The following TYW1 variants were observed in gnomAD, a reference collection of about 807,000 sequenced individuals.
TYW1 encodes the protein tRNA-yW synthesizing protein 1 homolog, also known as S-adenosyl-L-methionine-dependent tRNA 4-demethylwyosine synthase TYW1.
TYW1 carries 46 observed loss-of-function variants against 96.2 expected under a neutral mutation model. That is an observed-to-expected ratio of 0.48 (90% confidence interval 0.38 to 0.61). The LOEUF (loss-of-function observed/expected upper bound fraction) is 0.61. Among genes scored for constraint, TYW1 ranks in the 20% least tolerant of loss-of-function variants. TYW1 has a pLI of 0.00. For synonymous variants in TYW1, 274 were observed against 323.0 expected (o/e 0.85, Z 1.63); for missense variants, 684 against 909.6 (o/e 0.75, Z 3.19).
intron 13 of TYW1, among the ~76,000 whole-genome samples, chr7:67,180,406 T>TTATGTATA (rs1799800369): frequency 3.2e-5 from 2 of 62,738 alleles, no homozygotes; most frequent in Non-Finnish European, 5.7e-5. Flanking sequence ...ATATATATAT[T>TTATGTATA]TATATATATA....
At chr7:67,159,999 A>T (rs1173188499) in intron 13 of TYW1, among the ~76,000 whole-genome samples, 4 of 151,890 alleles carry the variant, frequency 2.6e-5, no homozygotes, top group African/African-American at 9.7e-5. Context: ...GAGATGGGGT[A>T]TCACTGTGTT....
At chr7:67,139,432 T>C (rs1798371199) in intron 13 of TYW1, among the ~76,000 whole-genome samples, 1 of 152,182 alleles carries the variant, frequency 6.6e-6, no homozygotes, top group African/African-American at 2.4e-5. Flanking sequence ...TACACACATG[T>C]GTATGCACAC....
Position 67,006,100 on chromosome 7 carries a change from G to A in TYW1, c.274-3483G>A, listed in dbSNP as rs549033781. On this transcript the variant is annotated intron_variant, in intron 3 of 15. Coordinates refer to ENST00000359626, the MANE Select transcript of TYW1 (RefSeq NM_018264.4). ...TCCCCACCAAATCTTACGTCGGATC[G>A]TAGTCCCATTGTTGGAGGTGGGGCT... is the stretch of plus-strand genomic sequence containing the variant. Among the ~76,000 whole-genome samples the A allele has an allele frequency of 1.0e-3, 155 of 152,256 alleles. 1 individual carries two copies. Among genetic ancestry groups the A allele is most frequent in the African/African-American group, 3.2e-3 (135 of 41,550 alleles).
intron 12 of TYW1, among the ~76,000 whole-genome samples, chr7:67,106,080 A>G (rs1563016399): frequency 6.6e-6 from 1 of 152,032 alleles, no homozygotes; most frequent in African/African-American, 2.4e-5. Flanking sequence ...TATTTTTAGT[A>G]GAGACAGGGT....
chr7:67,163,464 C>T (rs1220457625), intron 13 of TYW1, among the ~76,000 whole-genome samples: 2 of 152,062 alleles, frequency 1.3e-5, no homozygotes, highest in Non-Finnish European at 2.9e-5. Flanking sequence ...TGATATCTTC[C>T]TGCACACTAA....
At chr7:67,158,534 G>A (rs920914046) in intron 13 of TYW1, among the ~76,000 whole-genome samples, 3 of 152,044 alleles carry the variant, frequency 2.0e-5, no homozygotes, top group Non-Finnish European at 2.9e-5. Flanking sequence ...TGCATACCTG[G>A]AATAAATCCC....
chr7:67,149,835 C>G (rs1798744222), intron 13 of TYW1, among the ~76,000 whole-genome samples: 1 of 152,096 alleles, frequency 6.6e-6, no homozygotes, highest in Non-Finnish European at 1.5e-5. Flanking sequence ...AACACGTGAA[C>G]CACATCATGA....
rs566638389 is a variant in TYW1 at position 67,047,841 on chromosome 7, G to A, written c.985-2108G>A. On this transcript the variant is annotated intron_variant, in intron 7 of 15. Coordinates refer to ENST00000359626, the MANE Select transcript of TYW1 (RefSeq NM_018264.4). ...GAGTCTCTGTCGCCCAGGCTGGAGT[G>A]CAGTGGCACAGTCTTGGCTCACCGT... Among the ~76,000 whole-genome samples, 8 of 142,234 alleles carry A rather than the reference G, an allele frequency of 5.6e-5. No homozygotes were observed. In the South Asian group the frequency reaches 1.6e-3, roughly 28 times the overall value. The allele number at this position is 142,234 out of a possible 152,430, so 93.3% of individuals were successfully genotyped here.
chr7:67,119,174 A>G (rs1486424225), intron 13 of TYW1, among the ~76,000 whole-genome samples: 1 of 151,444 alleles, frequency 6.6e-6, no homozygotes, highest in African/African-American at 2.4e-5. Flanking sequence ...AGCGTTCTTT[A>G]TGCCTTCTTG....
intron 7 of TYW1, among the ~76,000 whole-genome samples, chr7:67,028,728 C>G (rs1024015194): frequency 6.6e-6 from 1 of 152,126 alleles, no homozygotes; most frequent in African/African-American, 2.4e-5. Context: ...ACAGTTTTTA[C>G]CAAAATCACA....
intron 13 of TYW1, among the ~76,000 whole-genome samples, chr7:67,144,046 T>G (rs1798527891): frequency 6.6e-6 from 1 of 152,250 alleles, no homozygotes; most frequent in Non-Finnish European, 1.5e-5. Flanking sequence ...TATTTTATCT[T>G]TAAAAGTTTA....
chr7:67,080,936 T>G (rs1796365998), intron 10 of TYW1, among the ~76,000 whole-genome samples: 1 of 141,096 alleles, frequency 7.1e-6, no homozygotes, highest in African/African-American at 2.7e-5. Flanking sequence ...TTTGCTTTCT[T>G]ACTGTTTTTT....
chr7:67,230,863 C>A (rs994664756), intron 15 of TYW1, among the ~76,000 whole-genome samples: 1 of 151,852 alleles, frequency 6.6e-6, no homozygotes, highest in Non-Finnish European at 1.5e-5. Flanking sequence ...TGGTCTTGAA[C>A]TCCTGACCTC....
At chr7:67,037,987 A>T (rs578092513) in intron 7 of TYW1, among the ~76,000 whole-genome samples, 1 of 152,168 alleles carries the variant, frequency 6.6e-6, no homozygotes, top group African/African-American at 2.4e-5. Flanking sequence ...AAACTTTTTG[A>T]GTCCTGATAT....
At chr7:67,206,927 A>G (rs945372476) in intron 15 of TYW1, among the ~76,000 whole-genome samples, 1 of 152,092 alleles carries the variant, frequency 6.6e-6, no homozygotes, top group South Asian at 2.1e-4. Flanking sequence ...GGCCTTCACA[A>G]TCGGTTCCTT....
chr7:67,167,966 G>T (rs1175013519), intron 13 of TYW1, among the ~76,000 whole-genome samples: 1 of 151,990 alleles, frequency 6.6e-6, no homozygotes, highest in African/African-American at 2.4e-5. Context: ...TCTTGGCCAG[G>T]CTTGTCTCGA....
intron 15 of TYW1, among the ~76,000 whole-genome samples, chr7:67,230,792 A>G (rs555507351): frequency 1.3e-5 from 2 of 151,578 alleles, no homozygotes; most frequent in East Asian, 1.9e-4. Flanking sequence ...AGCTGGGACT[A>G]CAGGAGGCTG....
At chr7:67,213,981 G>A (rs1240709276) in intron 15 of TYW1, among the ~76,000 whole-genome samples, 1 of 152,050 alleles carries the variant, frequency 6.6e-6, no homozygotes, top group East Asian at 1.9e-4. Flanking sequence ...TCACTATTAT[G>A]TTGGCTATTC....
intron 3 of TYW1, among the ~76,000 whole-genome samples, chr7:67,008,538 G>A (rs995772648): frequency 6.6e-6 from 1 of 152,174 alleles, no homozygotes; most frequent in African/African-American, 2.4e-5. Context: ...TGTAGTGGCT[G>A]CTCCCAGCCT....
Sources: allele counts gnomAD v4.1 joint callset (sites outside exome capture counted in the v4.1 genomes callset), GRCh38; gene constraint gnomAD v4.1.1; transcripts MANE v1.5; gene names NCBI Gene and HGNC (gene_info 2026-07-23, HGNC 2026-07-21).